The following TDRD9 variants were observed in gnomAD, a reference collection of about 807,000 sequenced individuals.
TDRD9 encodes the protein ATP-dependent RNA helicase TDRD9.
A neutral mutation model predicts 172.6 loss-of-function variants in TDRD9; 124 were observed. The ratio of observed to expected loss-of-function variants is 0.72; its 90% CI spans 0.62 to 0.83. TDRD9 has a LOEUF of 0.83. Ranked by LOEUF, TDRD9 falls within the 40% of genes least tolerant of loss-of-function variation. The probability of loss-of-function intolerance (pLI) is 0.00; values close to 1 mark genes in which losing one functional copy is unlikely to be tolerated. For missense variants in TDRD9, 1,479 were observed against 1,714.1 expected (o/e 0.86, Z 2.42); for synonymous variants, 619 against 617.1 (o/e 1.00, Z -0.05).
chr14:103,937,869 A>ATTTTTTTTTTTTTTTTTTT (rs2030877082), intron 1 of TDRD9, among the ~76,000 whole-genome samples: 4 of 130,754 alleles, frequency 3.1e-5, no homozygotes, highest in African/African-American at 1.1e-4. Flanking sequence ...TTTTTTTTTA[A>ATTTTTTTTTTTTTTTTTTT]TTTTCTTTTT....
intron 20 of TDRD9, among the ~76,000 whole-genome samples, chr14:104,011,264 G>A (rs140719806): frequency 2.0e-5 from 3 of 152,182 alleles, no homozygotes; most frequent in East Asian, 1.9e-4. Flanking sequence ...AACATTGCTC[G>A]GTTCTGATTG....
chr14:103,952,729 CTT>C (rs68192057), intron 1 of TDRD9, among the ~76,000 whole-genome samples: 1 of 72,322 alleles, frequency 1.4e-5, no homozygotes. Flanking sequence ...AATTCTCTCT[CTT>C]TTTTTTTTTT....
intron 1 of TDRD9, among the ~76,000 whole-genome samples, chr14:103,949,180 T>C (rs1176736446): frequency 6.6e-6 from 1 of 152,218 alleles, no homozygotes; most frequent in Non-Finnish European, 1.5e-5. Flanking sequence ...TTGAAAGAAT[T>C]GTGAATAGCA....
At chr14:103,951,703 A>G (rs917695243) in intron 1 of TDRD9, among the ~76,000 whole-genome samples, 1 of 152,236 alleles carries the variant, frequency 6.6e-6, no homozygotes, top group African/African-American at 2.4e-5. Flanking sequence ...GGTACTAGCT[A>G]CTAATTCAGT....
At chr14:103,987,014 T>C (rs192252509) in intron 8 of TDRD9, among the ~76,000 whole-genome samples, 1 of 152,224 alleles carries the variant, frequency 6.6e-6, no homozygotes, top group African/African-American at 2.4e-5. Flanking sequence ...CTCTGGAGGC[T>C]GAGGCAGAGG....
Position 104,040,111 on chromosome 14 carries a change from A to T in TDRD9, c.3717-85A>T, listed in dbSNP as rs563481970. 31 of 1,242,570 alleles carry T rather than the reference A, an allele frequency of 2.5e-5. No individual in the cohort carries two copies. The East Asian group carries it at 8.4e-4, about 34-fold the overall frequency. 77.0% of individuals were successfully genotyped at this position (1,242,570 alleles called of 1,614,324 possible). ...TACTAGGGCTGGCAGAATTTAGGATAATTTTATCGGTCAATTTTTACATGC... is the reference window on the plus strand; with the variant it reads ...TACTAGGGCTGGCAGAATTTAGGATTATTTTATCGGTCAATTTTTACATGC... On this transcript the variant is annotated intron_variant, in intron 32 of 35. Coordinates refer to ENST00000409874, the MANE Select transcript of TDRD9 (RefSeq NM_153046.3).
intron 1 of TDRD9, among the ~76,000 whole-genome samples, chr14:103,933,685 G>C (rs2030554140): frequency 6.6e-6 from 1 of 152,174 alleles, no homozygotes; most frequent in African/African-American, 2.4e-5. Flanking sequence ...TGGGATTACA[G>C]GTGTGAGCCA....
chr14:104,024,346 A>G (rs1438666927), intron 24 of TDRD9, among the ~76,000 whole-genome samples: 1 of 152,276 alleles, frequency 6.6e-6, no homozygotes, highest in East Asian at 1.9e-4. Flanking sequence ...GGAGGGTAGT[A>G]TATAATTTTT....
At chr14:104,023,199 A>G (rs1337434560) in intron 24 of TDRD9, among the ~76,000 whole-genome samples, 4 of 150,504 alleles carry the variant, frequency 2.7e-5, no homozygotes, top group Admixed American at 1.3e-4. Context: ...AAAAAAAAAA[A>G]AAAAAAAAAA....
intron 1 of TDRD9, among the ~76,000 whole-genome samples, chr14:103,950,306 G>A (rs1050050914): frequency 3.5e-5 from 5 of 143,552 alleles, no homozygotes; most frequent in Non-Finnish European, 7.7e-5. Flanking sequence ...GTTAGGCTGG[G>A]CTTGAACTCC....
intron 1 of TDRD9, among the ~76,000 whole-genome samples, chr14:103,954,638 A>AT (rs201392464): frequency 0.013 from 2,021 of 151,980 alleles, 30 homozygotes; most frequent in South Asian, 0.069. Context: ...TATTTGATTT[A>AT]TTTTTTTTGA....
chr14:103,975,288 TTAGA>T, intron 6 of TDRD9, 97 bp from the exon 7 acceptor site: 2 of 1,093,464 alleles, frequency 1.8e-6, no homozygotes, highest in Non-Finnish European at 2.6e-6. Context: ...TCAAAAGTTG[TTAGA>T]TAAGGAGTGA....
intron 32 of TDRD9, among the ~76,000 whole-genome samples, chr14:104,039,500 A>T (rs185773326): frequency 6.6e-6 from 1 of 152,288 alleles, no homozygotes; most frequent in African/African-American, 2.4e-5. Context: ...GTAACATTGT[A>T]TTTGTTTTGA....
intron 2 of TDRD9, among the ~76,000 whole-genome samples, chr14:103,956,093 AAAAAAAAAAAAAAAAAAAATAT>A (rs1198429686): frequency 2.3e-5 from 1 of 44,058 alleles, no homozygotes; most frequent in African/African-American, 9.2e-5. Flanking sequence ...AAAAAAAAAA[AAAAAAAAAAAAAAAAAAAATAT>A]ATATATATAT....
intron 33 of TDRD9, among the ~76,000 whole-genome samples, chr14:104,040,980 G>C (rs1376117892): frequency 1.3e-5 from 2 of 152,224 alleles, no homozygotes; most frequent in Non-Finnish European, 2.9e-5. Context: ...ATTTTACAAA[G>C]TGGGAAGACC....
chr14:104,010,270 T>C (rs1450815849), intron 20 of TDRD9, among the ~76,000 whole-genome samples: 1 of 152,168 alleles, frequency 6.6e-6, no homozygotes, highest in Non-Finnish European at 1.5e-5. Context: ...TTTTATTTTT[T>C]TGTAGAGACA....
intron 7 of TDRD9, among the ~76,000 whole-genome samples, chr14:103,981,025 A>T (rs1405264529): frequency 6.6e-6 from 1 of 152,208 alleles, no homozygotes; most frequent in Admixed American, 6.5e-5. Flanking sequence ...AATCATATCT[A>T]AGATCTATAT....
rs761458223 is a variant in TDRD9, at chr14:104,025,656, G to C, written c.2811G>C (p.Thr937=). The C allele has an allele frequency of 6.2e-7, 1 of 1,613,982 alleles. No homozygotes were observed. The highest frequency in any genetic ancestry group is 8.5e-7 in the Non-Finnish European group (1 of 1,179,882). Residue 937 remains threonine, a synonymous_variant, in exon 26 of 36, where the codon ACG becomes ACC. Coordinates refer to ENST00000409874, the MANE Select transcript of TDRD9 (RefSeq NM_153046.3). ...TTACTGCTGAAATCAACCAACTGAC[G>C]CTGGTGCCCTTGCCCACTCACCCAC... is the stretch of plus-strand genomic sequence containing the variant. The part of the protein sequence containing the change: ...KKLTAEINQL[T]LVPLPTHPHP...
At chr14:104,031,468 GTTTTTTTTTTTTT>G (rs55696833) in intron 29 of TDRD9, among the ~76,000 whole-genome samples, 1 of 105,104 alleles carries the variant, frequency 9.5e-6, no homozygotes, top group Non-Finnish European at 1.9e-5. Flanking sequence ...GCTTTGACTA[GTTTTTTTTTTTTT>G]TTTTTTTTTT....
Sources: allele counts gnomAD v4.1 joint callset (sites outside exome capture counted in the v4.1 genomes callset), GRCh38; gene constraint gnomAD v4.1.1; transcripts MANE v1.5; gene names NCBI Gene and HGNC (gene_info 2026-07-23, HGNC 2026-07-21).